GPR176: variants seen among roughly 807,000 people sequenced by gnomAD.
The protein encoded by GPR176 is G-protein coupled receptor 176.
A neutral mutation model predicts 35.4 loss-of-function variants in GPR176; 26 were observed. The ratio of observed to expected loss-of-function variants is 0.74; its 90% CI spans 0.54 to 1.02. The LOEUF (loss-of-function observed/expected upper bound fraction) is 1.02. Ranked by LOEUF, GPR176 falls within the 50% of genes least tolerant of loss-of-function variation. The probability of loss-of-function intolerance (pLI) is 0.00; values close to 1 mark genes in which losing one functional copy is unlikely to be tolerated. For synonymous variants in GPR176, 278 were observed against 271.3 expected (o/e 1.02, Z -0.24); for missense variants, 597 against 665.3 (o/e 0.90, Z 1.13).
At position 39,851,436 on chromosome 15, in the gene GPR176, C is replaced by T. The variant is rs183375718; in HGVS notation, c.173-44178G>A. On this transcript the variant is annotated intron_variant, in intron 1 of 2. Coordinates refer to ENST00000561100, the MANE Select transcript of GPR176 (RefSeq NM_007223.3). The stretch of plus-strand genomic sequence containing the variant: ...CCTGAAGCTGTCAACAAACTGTCTA[C>T]TTGAAATATTTTTTTCCACTCAAAC... Among the ~76,000 whole-genome samples the T allele has an allele frequency of 1.7e-3, 253 of 152,266 alleles. 1 individual carries two copies. The highest frequency in any genetic ancestry group is 5.8e-3 in the African/African-American group (243 of 41,572).
chr15:39,818,711 T>C (rs762693451), intron 1 of GPR176, among the ~76,000 whole-genome samples: 6 of 152,164 alleles, frequency 3.9e-5, no homozygotes, highest in Non-Finnish European at 7.4e-5. Flanking sequence ...GTCTGCCCCA[T>C]CCTTGGGGCT....
At position 39,799,659 on chromosome 15, in the gene GPR176, A is replaced by G. The variant is rs907427489; in HGVS notation, c.*1473T>C. On this transcript the variant is annotated 3_prime_UTR_variant, in exon 3 of 3. Transcript: ENST00000561100. Reference sequence around the variant, plus strand: ...ACCCACTTCCCTTCAAGCTTGCTCAAGGCACCAGACTAGCTCCTGTAAGTA... The same window carrying G: ...ACCCACTTCCCTTCAAGCTTGCTCAGGGCACCAGACTAGCTCCTGTAAGTA... 6.6e-6 allele frequency: 1 copy of G among 152,258 alleles called. No homozygotes were observed. The highest frequency in any genetic ancestry group is 1.5e-5 in the Non-Finnish European group (1 of 68,058). The allele number at this position is 152,258 out of a possible 1,614,324, so 9.4% of individuals were successfully genotyped here. A position where few individuals can be genotyped will look rare whatever the true frequency, so the allele number is the denominator to read the frequency against.
chr15:39,833,416 T>C (rs952224386), intron 1 of GPR176, among the ~76,000 whole-genome samples: 2 of 152,194 alleles, frequency 1.3e-5, no homozygotes, highest in Non-Finnish European at 2.9e-5. Context: ...CCACATATTG[T>C]ACAATTCCAT....
intron 1 of GPR176, among the ~76,000 whole-genome samples, chr15:39,912,617 CAA>C (rs150704404): frequency 1.6e-4 from 11 of 70,440 alleles, no homozygotes; most frequent in South Asian, 5.1e-4. Flanking sequence ...GACCCTGTCT[CAA>C]AAAAAAAAAA....
Position 39,807,134 on chromosome 15 carries a change from G to A in GPR176, c.297C>T (p.Ile99=), listed in dbSNP as rs982131421. The change falls in exon 2 of 3, where the codon ATC becomes ATT. Residue 99 remains isoleucine, a synonymous_variant. Transcript: ENST00000561100. Reference sequence around the variant, plus strand: ...AACAGTGAGGACTGGTGCTGAGGATGATGTCGAAGGGCACACAGACCAGGC... The same window carrying A: ...AACAGTGAGGACTGGTGCTGAGGATAATGTCGAAGGGCACACAGACCAGGC... The part of the protein sequence containing the change: ...CASLVCVPFD[I]ILSTSPHCCW... 1.9e-6 allele frequency: 3 copies of A among 1,614,038 alleles called. No homozygotes were observed. The highest frequency in any genetic ancestry group is 2.5e-6 in the Non-Finnish European group (3 of 1,179,978).
At chr15:39,833,804 C>T (rs544872639) in intron 1 of GPR176, among the ~76,000 whole-genome samples, 10 of 152,216 alleles carry the variant, frequency 6.6e-5, no homozygotes, top group East Asian at 1.9e-4. Flanking sequence ...GCTGGGATTG[C>T]GGTCTCCCAA....
intron 1 of GPR176, among the ~76,000 whole-genome samples, chr15:39,869,566 T>C (rs2031968771): frequency 6.6e-6 from 1 of 152,190 alleles, no homozygotes; most frequent in Admixed American, 6.5e-5. Context: ...TACTTCTCCA[T>C]TCCTTATTTT....
chr15:39,824,747 T>A (rs1458077318), intron 1 of GPR176, among the ~76,000 whole-genome samples: 1 of 152,260 alleles, frequency 6.6e-6, no homozygotes, highest in Non-Finnish European at 1.5e-5. Context: ...ACTAGTTATG[T>A]AGGATCCTAG....
Position 39,892,743 on chromosome 15 carries a change from G to A in GPR176, c.172+27112C>T, listed in dbSNP as rs537510518. 2.6e-5 allele frequency among the ~76,000 whole-genome samples: 4 copies of A among 152,344 alleles called. No individual in the cohort carries two copies. The South Asian group carries it at 8.3e-4, about 32-fold the overall frequency. On this transcript the variant is annotated intron_variant, in intron 1 of 2. Coordinates refer to ENST00000561100, the MANE Select transcript of GPR176 (RefSeq NM_007223.3). ...GATGCAGGCAGCCGCCAAAAGCTAGGACTGAGGCATGAACAGACTCCCTCA... is the reference window on the plus strand; with the variant it reads ...GATGCAGGCAGCCGCCAAAAGCTAGAACTGAGGCATGAACAGACTCCCTCA...
At chr15:39,870,329 G>A (rs773943558) in intron 1 of GPR176, among the ~76,000 whole-genome samples, 20 of 152,078 alleles carry the variant, frequency 1.3e-4, no homozygotes, top group Non-Finnish European at 2.8e-4. Context: ...CAGGTTTCAG[G>A]AATTAAGACA....
In GPR176 at chr15:39,801,494, C is replaced by T; in HGVS notation, c.1186G>A (p.Gly396Ser). The change falls in exon 3 of 3, where the codon GGC becomes AGC. Residue 396 changes from glycine to serine, a missense_variant. Gly to Ser is a moderately conservative substitution (Grantham distance 56, BLOSUM62 0). Transcript: ENST00000561100. ...TCCTTGGCCTGGAAGTCAGCTGAGC[C>T]AATGTACTTGGCCTCACTCTCTTCC... ...DEEESEAKYI[G>S]SADFQAKEIF... is the part of the protein sequence containing the mutation. 1 of 1,614,170 alleles carries T rather than the reference C, an allele frequency of 6.2e-7. No homozygotes were observed. The highest frequency in any genetic ancestry group is 8.5e-7 in the Non-Finnish European group (1 of 1,180,012).
At chr15:39,869,565 A>C (rs1229319218) in intron 1 of GPR176, among the ~76,000 whole-genome samples, 2 of 152,014 alleles carry the variant, frequency 1.3e-5, no homozygotes, top group Non-Finnish European at 2.9e-5. Context: ...GTACTTCTCC[A>C]TTCCTTATTT....
intron 1 of GPR176, among the ~76,000 whole-genome samples, chr15:39,832,212 T>A (rs528146603): frequency 6.6e-6 from 1 of 152,170 alleles, no homozygotes; most frequent in Non-Finnish European, 1.5e-5. Flanking sequence ...AAAAGACAGA[T>A]AATAACAAGT....
chr15:39,868,111 G>A lies in GPR176; in HGVS notation c.172+51744C>T, dbSNP rs1256247627. Among the ~76,000 whole-genome samples, 3 of 152,084 alleles carry A rather than the reference G, an allele frequency of 2.0e-5. No individual in the cohort carries two copies. The South Asian group carries it at 6.2e-4, about 32-fold the overall frequency. ...TCTACCATCATTAAGAGATAGCTAAGTGCAAAGGGCACCAGGAATGAATGA... is the reference window on the plus strand; with the variant it reads ...TCTACCATCATTAAGAGATAGCTAAATGCAAAGGGCACCAGGAATGAATGA... On this transcript the variant is annotated intron_variant, in intron 1 of 2. Transcript: ENST00000561100.
chr15:39,887,495 A>G (rs956973497), intron 1 of GPR176, among the ~76,000 whole-genome samples: 2 of 152,104 alleles, frequency 1.3e-5, no homozygotes, highest in African/African-American at 2.4e-5. Flanking sequence ...GCAGGGGCAA[A>G]TGAATCATTC....
intron 1 of GPR176, among the ~76,000 whole-genome samples, chr15:39,900,751 G>C (rs2033253213): frequency 6.6e-6 from 1 of 152,198 alleles, no homozygotes; most frequent in Non-Finnish European, 1.5e-5. Context: ...AGAGGAGCCT[G>C]CAACATGAGG....
At chr15:39,892,594 T>G (rs1369794112) in intron 1 of GPR176, among the ~76,000 whole-genome samples, 1 of 152,216 alleles carries the variant, frequency 6.6e-6, no homozygotes, top group Non-Finnish European at 1.5e-5. Flanking sequence ...CGCATTGCAT[T>G]AGGGTGAGCC....
At chr15:39,836,760 C>T (rs2140781920) in intron 1 of GPR176, among the ~76,000 whole-genome samples, 1 of 152,206 alleles carries the variant, frequency 6.6e-6, no homozygotes, top group African/African-American at 2.4e-5. Context: ...TCTGGGTCCC[C>T]TTTAGTTTGT....
chr15:39,899,812 G>A (rs1379902811), intron 1 of GPR176, among the ~76,000 whole-genome samples: 5 of 152,156 alleles, frequency 3.3e-5, no homozygotes, highest in African/African-American at 4.8e-5. Context: ...TCAAGATAAG[G>A]AAATATGGGC....
Sources: gnomAD v4.1 joint callset for allele counts (sites outside exome capture counted in the v4.1 genomes callset) on GRCh38, gnomAD v4.1.1 for gene constraint, MANE v1.5 for transcripts, NCBI Gene and HGNC (gene_info 2026-07-23, HGNC 2026-07-21) for gene names.